ENOX1: variants seen among roughly 807,000 people sequenced by gnomAD.
ENOX1 encodes the protein candidate growth-related and time keeping constitutive hydroquinone (NADH) oxidase.
In ENOX1, 42 loss-of-function variants were observed where a neutral mutation model predicts 82.5. The ratio of observed to expected loss-of-function variants is 0.51; its 90% CI spans 0.40 to 0.66. The LOEUF (loss-of-function observed/expected upper bound fraction) is 0.66. ENOX1 is among the 30% of genes least tolerant of loss of function. The probability of loss-of-function intolerance (pLI) is 0.00; values close to 1 mark genes in which losing one functional copy is unlikely to be tolerated. For missense variants in ENOX1, 608 were observed against 811.6 expected (o/e 0.75, Z 3.05); for synonymous variants, 271 against 282.2 (o/e 0.96, Z 0.40).
At chr13:43,277,920 T>C (rs947975470) in intron 12 of ENOX1, among the ~76,000 whole-genome samples, 1 of 152,180 alleles carries the variant, frequency 6.6e-6, no homozygotes, top group African/African-American at 2.4e-5. Context: ...CCATCTGAGA[T>C]ACAGATTTGA....
At chr13:43,657,394 A>G (rs1486840337) in intron 2 of ENOX1, among the ~76,000 whole-genome samples, 1 of 152,168 alleles carries the variant, frequency 6.6e-6, no homozygotes, top group African/African-American at 2.4e-5. Context: ...GCAATGAGGT[A>G]TGGATGTCTC....
At chr13:43,604,298 G>A (rs1178842132) in intron 2 of ENOX1, among the ~76,000 whole-genome samples, 2 of 151,970 alleles carry the variant, frequency 1.3e-5, no homozygotes, top group Admixed American at 6.6e-5. Context: ...TTTGTCAGAT[G>A]AGTAGGTTGC....
intron 2 of ENOX1, among the ~76,000 whole-genome samples, chr13:43,559,153 C>T (rs1318945761): frequency 6.6e-6 from 1 of 152,190 alleles, no homozygotes; most frequent in East Asian, 1.9e-4. Context: ...GACTAGAATT[C>T]AGCTGTGCCT....
intron 1 of ENOX1, among the ~76,000 whole-genome samples, chr13:43,712,301 A>G (rs2087779806): frequency 6.6e-6 from 1 of 150,666 alleles, no homozygotes; most frequent in Non-Finnish European, 1.5e-5. Flanking sequence ...TGGTACCAGT[A>G]CCATGCTGTT....
intron 13 of ENOX1, among the ~76,000 whole-genome samples, chr13:43,266,105 G>A (rs924476141): frequency 1.3e-5 from 2 of 152,174 alleles, no homozygotes; most frequent in African/African-American, 4.8e-5. Context: ...TCAGTTATAA[G>A]GAGGTTTCAG....
At chr13:43,227,138 G>C (rs1216625484) in intron 15 of ENOX1, among the ~76,000 whole-genome samples, 1 of 152,142 alleles carries the variant, frequency 6.6e-6, no homozygotes, top group Non-Finnish European at 1.5e-5. Flanking sequence ...GGGTGGGTTG[G>C]GGGAGAGGTT....
At chr13:43,516,659 C>T (rs1470260917) in intron 2 of ENOX1, among the ~76,000 whole-genome samples, 2 of 152,038 alleles carry the variant, frequency 1.3e-5, no homozygotes, top group South Asian at 4.2e-4. Flanking sequence ...CTTTGGCTCC[C>T]GCTTCTGGAA....
At chr13:43,299,013 A>G (rs1228810944) in intron 11 of ENOX1, among the ~76,000 whole-genome samples, 1 of 152,176 alleles carries the variant, frequency 6.6e-6, no homozygotes, top group Non-Finnish European at 1.5e-5. Flanking sequence ...AGGAAATTAT[A>G]TGCACACCAC....
chr13:43,671,534 C>A (rs1035285562), intron 1 of ENOX1, among the ~76,000 whole-genome samples: 2 of 152,168 alleles, frequency 1.3e-5, no homozygotes, highest in Non-Finnish European at 2.9e-5. Flanking sequence ...CCATGATACT[C>A]TCTACACATA....
chr13:43,638,314 A>G (rs2083489068), intron 2 of ENOX1, among the ~76,000 whole-genome samples: 1 of 152,204 alleles, frequency 6.6e-6, no homozygotes, highest in Non-Finnish European at 1.5e-5. Flanking sequence ...TGAAAACAGC[A>G]TCTCAGCCAA....
intron 3 of ENOX1, among the ~76,000 whole-genome samples, chr13:43,479,242 CA>C (rs2058414721): frequency 6.6e-6 from 1 of 152,106 alleles, no homozygotes; most frequent in African/African-American, 2.4e-5. Context: ...TTGAGCTCCC[CA>C]CAAACCGATC....
At chr13:43,587,602 T>C (rs929321488) in intron 2 of ENOX1, among the ~76,000 whole-genome samples, 4 of 152,210 alleles carry the variant, frequency 2.6e-5, no homozygotes, top group African/African-American at 9.7e-5. Flanking sequence ...TCTATCAGTA[T>C]ATTTTTTCTG....
intron 1 of ENOX1, among the ~76,000 whole-genome samples, chr13:43,755,426 T>C (rs938010572): frequency 3.3e-4 from 50 of 152,204 alleles, no homozygotes; most frequent in African/African-American, 1.2e-3. Context: ...GGCACTGCTT[T>C]GTTCAGGGGC....
Position 43,758,525 on chromosome 13 carries a change from C to T in ENOX1, c.-285+28127G>A, listed in dbSNP as rs79858299. Among the ~76,000 whole-genome samples the T allele has an allele frequency of 8.1e-4, 123 of 152,202 alleles. No homozygotes were observed. The East Asian group carries it at 0.018, about 22-fold the overall frequency. ...TGCATAGAAGGCCAGCATGAGGATC[C>T]CTGTTGGATGAAAGTGTCCTGTATC... On this transcript the variant is annotated intron_variant, in intron 1 of 16. Transcript: ENST00000690772.
rs566022506 is a variant in ENOX1, at chr13:43,562,873, C to G, written c.-218-78721G>C. On this transcript the variant is annotated intron_variant, in intron 2 of 16. Transcript: ENST00000690772. ...CAATTTTAAATATAACAGTGGAGCACCCAAATATAGAAAGCAAATGTTACT... is the reference window on the plus strand; with the variant it reads ...CAATTTTAAATATAACAGTGGAGCAGCCAAATATAGAAAGCAAATGTTACT... 2.6e-4 allele frequency among the ~76,000 whole-genome samples: 39 copies of G among 152,018 alleles called. 1 individual carries two copies. Among genetic ancestry groups the G allele is most frequent in the Non-Finnish European group, 4.1e-4 (28 of 67,936 alleles).
intron 2 of ENOX1, among the ~76,000 whole-genome samples, chr13:43,586,409 C>A (rs2080984037): frequency 6.6e-6 from 1 of 152,230 alleles, no homozygotes; most frequent in African/African-American, 2.4e-5. Context: ...GGTGCTTCAA[C>A]ATGACTCTGT....
chr13:43,609,954 C>T (rs2082129350), intron 2 of ENOX1: 1 of 966,990 alleles, frequency 1.0e-6, no homozygotes, highest in Non-Finnish European at 1.2e-6. Context: ...TCTTTGGTTC[C>T]AAACATTTTT....
intron 11 of ENOX1, among the ~76,000 whole-genome samples, chr13:43,315,517 A>G (rs900542257): frequency 6.6e-6 from 1 of 152,212 alleles, no homozygotes; most frequent in South Asian, 2.1e-4. Flanking sequence ...AGATTCTGTC[A>G]TCTAAACTCC....
intron 2 of ENOX1, among the ~76,000 whole-genome samples, chr13:43,666,018 C>T (rs148798859): frequency 4.0e-5 from 6 of 151,092 alleles, no homozygotes; most frequent in Admixed American, 2.6e-4. Context: ...TTTGCCAGTG[C>T]GTATAAAGTT....
Sources: allele counts gnomAD v4.1 joint callset (sites outside exome capture counted in the v4.1 genomes callset), GRCh38; gene constraint gnomAD v4.1.1; transcripts MANE v1.5; gene names NCBI Gene and HGNC (gene_info 2026-07-23, HGNC 2026-07-21).